Variants in AATF observed in about 807,000 individuals in gnomAD.
The protein encoded by AATF is protein AATF.
AATF carries 48 observed loss-of-function variants against 63.7 expected under a neutral mutation model. That is an observed-to-expected ratio of 0.75 (90% confidence interval 0.60 to 0.96). The LOEUF (loss-of-function observed/expected upper bound fraction) is 0.96, where lower values mean the gene tolerates loss of function less well. Ranked by LOEUF, AATF falls within the 40% of genes least tolerant of loss-of-function variation. The pLI is 0.00. For missense variants in AATF, 639 were observed against 685.7 expected (o/e 0.93, Z 0.76); for synonymous variants, 258 against 247.7 (o/e 1.04, Z -0.39).
chr17:37,009,400 C>G (rs2071367747), intron 8 of AATF, among the ~76,000 whole-genome samples: 1 of 151,612 alleles, frequency 6.6e-6, no homozygotes, highest in South Asian at 2.1e-4. Flanking sequence ...CCACTTCGGC[C>G]TTCCAAAGTA....
At chr17:37,046,263 T>A (rs1466168298) in intron 11 of AATF, among the ~76,000 whole-genome samples, 1 of 152,030 alleles carries the variant, frequency 6.6e-6, no homozygotes. Context: ...GAGCGGGGAC[T>A]CGGGCTCTGG....
At chr17:37,051,697 G>GACAGACAGACAGACACACACAC (rs1242892984) in intron 11 of AATF, among the ~76,000 whole-genome samples, 2 of 137,140 alleles carry the variant, frequency 1.5e-5, no homozygotes, top group African/African-American at 5.6e-5. Flanking sequence ...CAGACAGACA[G>GACAGACAGACAGACACACACAC]ACACACACAC....
chr17:37,016,141 T>A (rs1339269834), intron 8 of AATF, among the ~76,000 whole-genome samples: 1 of 152,214 alleles, frequency 6.6e-6, no homozygotes, highest in Non-Finnish European at 1.5e-5. Flanking sequence ...CTTCTCCATC[T>A]CCTTACTGTC....
At chr17:37,029,160 G>GC (rs2071533307) in intron 10 of AATF, among the ~76,000 whole-genome samples, 1 of 152,132 alleles carries the variant, frequency 6.6e-6, no homozygotes, top group African/African-American at 2.4e-5. Context: ...CTAGGCTTAA[G>GC]CAATCCTTCC....
At chr17:37,038,780 A>C (rs1328850260) in intron 11 of AATF, among the ~76,000 whole-genome samples, 4 of 152,162 alleles carry the variant, frequency 2.6e-5, no homozygotes, top group Non-Finnish European at 5.9e-5. Flanking sequence ...CACTCCTTTT[A>C]TAAAGCTGCT....
At chr17:37,043,294 C>G (rs1458121464) in intron 11 of AATF, 1 of 152,230 alleles carries the variant, frequency 6.6e-6, no homozygotes, top group Non-Finnish European at 1.5e-5. Flanking sequence ...CACCTGCAAT[C>G]CCTGGGACAC....
intron 4 of AATF, among the ~76,000 whole-genome samples, chr17:36,981,385 A>C (rs1387562719): frequency 6.6e-6 from 1 of 151,510 alleles, no homozygotes; most frequent in African/African-American, 2.4e-5. Flanking sequence ...GATCGTGGAC[A>C]CATGGTACTT....
chr17:36,949,063 G>T lies in AATF; in HGVS notation c.-63G>T. ...GAGGATCCGGCAGGGAAGGAGCTTC[G>T]GGGCCGGGGGTTGGGCCGCACATTT... On this transcript the variant is annotated 5_prime_UTR_variant, in exon 1 of 12. Transcript: ENST00000619387. The T allele has an allele frequency of 7.1e-7, 1 of 1,409,746 alleles. No individual in the cohort carries two copies. The allele number at this position is 1,409,746 out of a possible 1,614,324, so 87.3% of individuals were successfully genotyped here.
intron 10 of AATF, among the ~76,000 whole-genome samples, chr17:37,021,506 A>G (rs2071469854): frequency 1.3e-5 from 2 of 152,014 alleles, no homozygotes; most frequent in East Asian, 1.9e-4. Flanking sequence ...GCGGGTGCCT[A>G]TAGTCCCAGC....
chr17:37,009,614 G>C (rs1025802643), intron 8 of AATF, among the ~76,000 whole-genome samples: 2 of 146,882 alleles, frequency 1.4e-5, no homozygotes, highest in Non-Finnish European at 3.0e-5. Context: ...TCAGGAGATC[G>C]AGACCATCCT....
intron 8 of AATF, among the ~76,000 whole-genome samples, chr17:37,017,323 C>T (rs903946522): frequency 3.3e-5 from 5 of 151,906 alleles, no homozygotes; most frequent in African/African-American, 7.3e-5. Context: ...TCTTTTATTT[C>T]TTCTTCTTTA....
intron 8 of AATF, among the ~76,000 whole-genome samples, chr17:37,009,674 G>A (rs371861741): frequency 2.7e-5 from 4 of 149,822 alleles, no homozygotes; most frequent in African/African-American, 4.9e-5. Flanking sequence ...AAAATTAGCC[G>A]GGCGCGGTGG....
intron 11 of AATF, chr17:37,046,080 T>C (rs1447671204): frequency 3.3e-5 from 5 of 152,228 alleles, no homozygotes; most frequent in African/African-American, 1.2e-4. Flanking sequence ...TTTTATTTTT[T>C]CATCAGAAAA....
At chr17:36,958,226 G>A (rs1024923785) in intron 4 of AATF, among the ~76,000 whole-genome samples, 7 of 151,544 alleles carry the variant, frequency 4.6e-5, no homozygotes, top group Admixed American at 2.0e-4. Context: ...GCAGTGGTGC[G>A]ATCTCAACTC....
chr17:36,968,161 C>T (rs1292252477), intron 4 of AATF, among the ~76,000 whole-genome samples: 1 of 150,938 alleles, frequency 6.6e-6, no homozygotes, highest in Non-Finnish European at 1.5e-5. Context: ...TTTCATCCCT[C>T]CCTCTCTCTT....
At chr17:36,966,291 G>A (rs893214969) in intron 4 of AATF, among the ~76,000 whole-genome samples, 1 of 151,960 alleles carries the variant, frequency 6.6e-6, no homozygotes. Context: ...GTAAGACAGG[G>A]TCTTGCTGTG....
chr17:36,979,239 G>T (rs137929653), intron 4 of AATF, among the ~76,000 whole-genome samples: 1 of 152,018 alleles, frequency 6.6e-6, no homozygotes, highest in African/African-American at 2.4e-5. Context: ...GAAAAATGCC[G>T]GCCATACAGT....
intron 8 of AATF, among the ~76,000 whole-genome samples, chr17:37,016,663 A>G (rs1213294887): frequency 6.6e-6 from 1 of 152,234 alleles, no homozygotes; most frequent in Non-Finnish European, 1.5e-5. Context: ...AGCTATACAA[A>G]TTAAAATCAG....
intron 11 of AATF, among the ~76,000 whole-genome samples, chr17:37,051,758 G>A (rs1244144476): frequency 6.6e-6 from 1 of 151,176 alleles, no homozygotes; most frequent in African/African-American, 2.4e-5. Flanking sequence ...GAAAATGGCG[G>A]CTAATCCATG....
Sources: allele counts gnomAD v4.1 joint callset (sites outside exome capture counted in the v4.1 genomes callset), GRCh38; gene constraint gnomAD v4.1.1; transcripts MANE v1.5; gene names NCBI Gene and HGNC (gene_info 2026-07-23, HGNC 2026-07-21).